The following DLGAP1 variants were observed in gnomAD, a reference collection of about 807,000 sequenced individuals.
The protein encoded by DLGAP1 is DLG associated protein 1, also known as disks large-associated protein 1.
Under a neutral mutation model 90.8 loss-of-function variants are expected in DLGAP1, and 11 were observed. That is an observed-to-expected ratio of 0.12 (90% confidence interval 0.08 to 0.20). The LOEUF (loss-of-function observed/expected upper bound fraction) is 0.20, where lower values mean the gene tolerates loss of function less well. DLGAP1 is among the 10% of genes least tolerant of loss of function. DLGAP1 has a pLI of 1.00. For synonymous variants in DLGAP1, 558 were observed against 540.7 expected (o/e 1.03, Z -0.44); for missense variants, 1,050 against 1,333.8 (o/e 0.79, Z 3.31).
chr18:3,594,761 T>C (rs1350218372), intron 7 of DLGAP1, among the ~76,000 whole-genome samples: 1 of 152,112 alleles, frequency 6.6e-6, no homozygotes, highest in Non-Finnish European at 1.5e-5. Flanking sequence ...CTTCACATCC[T>C]AGTCACAGCC....
intron 2 of DLGAP1, among the ~76,000 whole-genome samples, chr18:4,147,605 C>G (rs1328361935): frequency 2.0e-5 from 3 of 151,682 alleles, no homozygotes; most frequent in African/African-American, 7.3e-5. Flanking sequence ...ATCCATCCAT[C>G]CATCCATCCA....
chr18:3,508,350 T>G (rs1193389326), intron 11 of DLGAP1, among the ~76,000 whole-genome samples: 1 of 152,160 alleles, frequency 6.6e-6, no homozygotes, highest in African/African-American at 2.4e-5. Flanking sequence ...AATTTTAACT[T>G]GACTGAATTT....
chr18:4,061,060 A>G (rs2075291466), intron 2 of DLGAP1, among the ~76,000 whole-genome samples: 1 of 152,176 alleles, frequency 6.6e-6, no homozygotes, highest in Non-Finnish European at 1.5e-5. Context: ...TGCTGGACAG[A>G]GTCAGACCTT....
rs867363726 is a variant in DLGAP1 at position 3,522,628 on chromosome 18, C to T, written c.2479+11566G>A. Among the ~76,000 whole-genome samples, 75 of 150,926 alleles carry T rather than the reference C, an allele frequency of 5.0e-4. 1 individual carries two copies. The highest frequency in any genetic ancestry group is 1.6e-3 in the African/African-American group (66 of 41,004). On this transcript the variant is annotated intron_variant, in intron 10 of 12. Transcript: ENST00000315677. ...CCCAATCTCGGCTAACTGCAACCTC[C>T]GCCTTCCGGGTTCAGGCAATTCTCC...
intron 5 of DLGAP1, among the ~76,000 whole-genome samples, chr18:3,796,642 T>G (rs1460572732): frequency 6.6e-6 from 1 of 152,162 alleles, no homozygotes; most frequent in East Asian, 1.9e-4. Flanking sequence ...GCTCTAGACC[T>G]GTCAGTAACA....
intron 4 of DLGAP1, among the ~76,000 whole-genome samples, chr18:3,866,932 C>T (rs999412400): frequency 6.6e-6 from 1 of 152,204 alleles, no homozygotes; most frequent in Admixed American, 6.5e-5. Flanking sequence ...ATCACTGTAA[C>T]CTCTGCTTCG....
At chr18:3,759,368 G>C (rs2063857775) in intron 5 of DLGAP1, among the ~76,000 whole-genome samples, 1 of 152,062 alleles carries the variant, frequency 6.6e-6, no homozygotes, top group Non-Finnish European at 1.5e-5. Context: ...CCACATGCTA[G>C]AAGCTGGAAT....
At chr18:3,613,595 C>T (rs1237799401) in intron 7 of DLGAP1, among the ~76,000 whole-genome samples, 1 of 152,162 alleles carries the variant, frequency 6.6e-6, no homozygotes, top group East Asian at 1.9e-4. Flanking sequence ...CACTTCCTCT[C>T]TAAGTGTTGG....
intron 2 of DLGAP1, among the ~76,000 whole-genome samples, chr18:4,034,644 T>G (rs1246305192): frequency 6.6e-6 from 1 of 152,152 alleles, no homozygotes; most frequent in Non-Finnish European, 1.5e-5. Flanking sequence ...GTCACCTTTC[T>G]GGAAAAACAG....
rs565323548 is a variant in DLGAP1, at chr18:3,897,881, G to A, written c.-72-17741C>T. ...GCAATCTCGGCTCACTGCAAGCTCC[G>A]CTTCCCGGGTTCACGCCATTCTCCT... On this transcript the variant is annotated intron_variant, in intron 3 of 12. Coordinates refer to ENST00000315677, the MANE Select transcript of DLGAP1 (RefSeq NM_004746.4). Among the ~76,000 whole-genome samples the A allele has an allele frequency of 5.8e-5, 8 of 137,850 alleles. No homozygotes were observed. The South Asian group carries it at 1.7e-3, about 29-fold the overall frequency. The allele number at this position is 137,850 out of a possible 152,430, so 90.4% of individuals were successfully genotyped here. A position where few individuals can be genotyped will look rare whatever the true frequency, so the allele number is the denominator to read the frequency against.
At chr18:4,444,031 G>C (rs2083600275) in intron 1 of DLGAP1, among the ~76,000 whole-genome samples, 1 of 152,184 alleles carries the variant, frequency 6.6e-6, no homozygotes, top group South Asian at 2.1e-4. Flanking sequence ...TCTAAGGAAA[G>C]AAACTGGGTT....
chr18:4,282,197 T>C (rs1428085137), intron 1 of DLGAP1, among the ~76,000 whole-genome samples: 2 of 151,908 alleles, frequency 1.3e-5, no homozygotes. Context: ...ACTCCGTCTC[T>C]ACTAAAAATA....
intron 1 of DLGAP1, among the ~76,000 whole-genome samples, chr18:4,237,483 CG>C: frequency 6.6e-6 from 1 of 151,976 alleles, no homozygotes; most frequent in Non-Finnish European, 1.5e-5. Flanking sequence ...TGGGGAAGGA[CG>C]GGGGTTGAGT....
chr18:4,220,892 T>C (rs1441494998), intron 1 of DLGAP1, among the ~76,000 whole-genome samples: 1 of 152,194 alleles, frequency 6.6e-6, no homozygotes. Flanking sequence ...GACAGTGGTC[T>C]TATAAGATTA....
intron 3 of DLGAP1, among the ~76,000 whole-genome samples, chr18:3,910,039 A>T (rs1269811388): frequency 6.6e-6 from 1 of 151,686 alleles, no homozygotes; most frequent in East Asian, 1.9e-4. Flanking sequence ...GAAGCATAGG[A>T]ACAGGAAGTC....
At chr18:4,057,105 G>GCCCCT (rs2075232028) in intron 2 of DLGAP1, among the ~76,000 whole-genome samples, 1 of 150,280 alleles carries the variant, frequency 6.7e-6, no homozygotes, top group Non-Finnish European at 1.5e-5. Context: ...CAGGAGAGGG[G>GCCCCT]CTCCTGCCAC....
At chr18:4,092,509 T>C (rs1889834904) in intron 2 of DLGAP1, among the ~76,000 whole-genome samples, 1 of 152,140 alleles carries the variant, frequency 6.6e-6, no homozygotes, top group Admixed American at 6.5e-5. Flanking sequence ...CATCTAATGG[T>C]ATTGGTGTAG....
chr18:4,329,849 A>C (rs1453145282), intron 1 of DLGAP1, among the ~76,000 whole-genome samples: 1 of 151,960 alleles, frequency 6.6e-6, no homozygotes, highest in Non-Finnish European at 1.5e-5. Context: ...CTTTTGTTAT[A>C]ATGTCTTTGG....
chr18:3,572,090 T>TTTTC (rs1555684210), intron 8 of DLGAP1, among the ~76,000 whole-genome samples: 1 of 105,702 alleles, frequency 9.5e-6, no homozygotes, highest in African/African-American at 3.2e-5. Context: ...TTTTTTTTTT[T>TTTTC]CTTTTGAGAC....
Sources: allele counts gnomAD v4.1 joint callset (sites outside exome capture counted in the v4.1 genomes callset), GRCh38; gene constraint gnomAD v4.1.1; transcripts MANE v1.5; gene names NCBI Gene and HGNC (gene_info 2026-07-23, HGNC 2026-07-21).